Variants in CLASP1 observed in about 807,000 individuals in gnomAD.
CLASP1 encodes cytoplasmic linker associated protein 1.
In CLASP1, 38 loss-of-function variants were observed where a neutral mutation model predicts 192.3. That is an observed-to-expected ratio of 0.20 (90% CI 0.15 to 0.26). The LOEUF (loss-of-function observed/expected upper bound fraction) is 0.26. Ranked by LOEUF, CLASP1 falls within the 10% of genes least tolerant of loss-of-function variation. The pLI is 1.00. For missense variants in CLASP1, 1,433 were observed against 1,932.5 expected, an observed-to-expected ratio of 0.74 and a Z score of 4.85; for synonymous variants, 691 against 712.8, an observed-to-expected ratio of 0.97 and a Z score of 0.49.
intron 8 of CLASP1, among the ~76,000 whole-genome samples, chr2:121,489,757 T>A (rs921684250): frequency 6.6e-6 from 1 of 152,230 alleles, no homozygotes; most frequent in Non-Finnish European, 1.5e-5. Context: ...CTGTACATTT[T>A]TGCATTTTAA....
intron 37 of CLASP1, among the ~76,000 whole-genome samples, chr2:121,352,691 A>G (rs891272535): frequency 1.3e-5 from 2 of 152,234 alleles, no homozygotes; most frequent in South Asian, 2.1e-4. Flanking sequence ...GTCTCACTCT[A>G]TCATTCAGGC....
intron 23 of CLASP1, among the ~76,000 whole-genome samples, chr2:121,417,828 T>C (rs779908289): frequency 6.6e-6 from 1 of 152,218 alleles, no homozygotes; most frequent in Non-Finnish European, 1.5e-5. Context: ...TCTTTCGTAG[T>C]GGCATGTATA....
intron 10 of CLASP1, 111 bp downstream of exon 10, chr2:121,462,421 A>G (rs2088278560): frequency 1.6e-6 from 1 of 625,046 alleles, no homozygotes; most frequent in South Asian, 2.2e-5. Context: ...TAGTGCTGAC[A>G]GTTAAAATTA....
intron 1 of CLASP1, among the ~76,000 whole-genome samples, chr2:121,641,374 T>C (rs2072046425): frequency 6.7e-6 from 1 of 149,364 alleles, no homozygotes; most frequent in African/African-American, 2.4e-5. Context: ...CCCACAGATA[T>C]TCTGATTACT....
At chr2:121,509,672 T>G (rs781320027) in intron 7 of CLASP1, among the ~76,000 whole-genome samples, 3 of 152,122 alleles carry the variant, frequency 2.0e-5, no homozygotes, top group Non-Finnish European at 4.4e-5. Context: ...ACCTCGTCTC[T>G]ACTAAAATTA....
chr2:121,441,974 C>T (rs2149733951), intron 19 of CLASP1, among the ~76,000 whole-genome samples: 1 of 152,210 alleles, frequency 6.6e-6, no homozygotes, highest in Admixed American at 6.5e-5. Flanking sequence ...ATCGTGTAAT[C>T]TTAATTAAAA....
At chr2:121,375,088 G>A (rs541265647) in intron 34 of CLASP1, among the ~76,000 whole-genome samples, 6 of 152,118 alleles carry the variant, frequency 3.9e-5, no homozygotes, top group Non-Finnish European at 5.9e-5. Flanking sequence ...TCCCAATGTC[G>A]GGGGAGGAAC....
At chr2:121,424,686 T>C (rs373726514) in intron 22 of CLASP1, among the ~76,000 whole-genome samples, 1 of 152,200 alleles carries the variant, frequency 6.6e-6, no homozygotes, top group East Asian at 1.9e-4. Flanking sequence ...AAAGTAACTA[T>C]GCATATTTTT....
intron 24 of CLASP1, 21 bp downstream of exon 25, chr2:121,410,845 C>A: frequency 6.8e-7 from 1 of 1,480,476 alleles, no homozygotes; most frequent in Non-Finnish European, 9.4e-7. Flanking sequence ...AGACTGTGTA[C>A]ATACATACTG....
At chr2:121,567,399 C>G (rs1411018934) in intron 2 of CLASP1, among the ~76,000 whole-genome samples, 1 of 152,208 alleles carries the variant, frequency 6.6e-6, no homozygotes. Flanking sequence ...CCAGACTGCT[C>G]CAGCATTGCT....
intron 28 of CLASP1, among the ~76,000 whole-genome samples, chr2:121,398,785 C>T (rs1005813106): frequency 1.1e-4 from 16 of 152,168 alleles, no homozygotes; most frequent in Non-Finnish European, 1.6e-4. Context: ...ACATCCTGAC[C>T]GGGCTGCTTA....
At chr2:121,530,382 G>T in intron 2 of CLASP1, 57 bp from the exon 3 acceptor site, 1 of 1,405,406 alleles carries the variant, frequency 7.1e-7, no homozygotes, top group Non-Finnish European at 9.8e-7. Context: ...CAGCGCTCCC[G>T]CCCACCCGCT....
rs148498284 is a variant in CLASP1 at position 121,447,400 on chromosome 2, A to G, written c.1849T>C (p.Ser617Pro). Residue 617 changes from serine (S) to proline (P), a missense_variant, in exon 19 of 40, where the codon TCT (serine) becomes CCT (proline). Physicochemically the swap from Ser to Pro is moderately conservative, Grantham distance 74 (BLOSUM62 -1). This residue lies in a region of CLASP1 where 445 missense variants were observed against 535.5 expected (regional missense o/e 0.83). Coordinates refer to ENST00000263710, the Ensembl canonical transcript of CLASP1. ...GAGCTGAAAGGCGTCGTGCCCGAAG[A>G]TGAGGAGACTTTGGATTTGGCACTG... 1,315 of 1,579,210 alleles carry G rather than the reference A, an allele frequency of 8.3e-4. 8 individuals are homozygous for G. In the East Asian group the frequency reaches 0.013, roughly 16 times the overall value.
chr2:121,401,718 T>C, intron 27 of CLASP1, 46 bp from the exon 29 acceptor site: 2 of 1,518,992 alleles, frequency 1.3e-6, no homozygotes, highest in Non-Finnish European at 1.8e-6. Flanking sequence ...GAATTCACGA[T>C]CTCCTCCAAA....
intron 7 of CLASP1, among the ~76,000 whole-genome samples, chr2:121,510,739 A>G (rs1196361594): frequency 1.3e-5 from 2 of 152,176 alleles, no homozygotes; most frequent in Non-Finnish European, 2.9e-5. Flanking sequence ...TCAAGGCTGC[A>G]GTGAGCAATG....
At chr2:121,518,231 CAAA>C (rs35409200) in intron 6 of CLASP1, among the ~76,000 whole-genome samples, 39 of 49,586 alleles carry the variant, frequency 7.9e-4, no homozygotes, top group African/African-American at 2.6e-3. Flanking sequence ...ACCCCCGTCT[CAAA>C]AAAAAAAAAA....
chr2:121,462,405 C>G (rs2088272114), intron 10 of CLASP1, 127 bp downstream of exon 10: 1 of 570,534 alleles, frequency 1.8e-6, no homozygotes, highest in Non-Finnish European at 3.2e-6. Context: ...CACCTCAGAT[C>G]TCCTGTAGTG....
Position 121,430,181 on chromosome 2 carries a change from G to T in CLASP1, c.1913-4C>A. 6.4e-7 allele frequency: 1 copy of T among 1,556,698 alleles called. No homozygotes were observed. ...TGCCGTCTTGTGCGGATCCGACCTG[G>T]AGGACACAGCAAAAACAGTGTTTCA... On this transcript the variant is annotated splice_polypyrimidine_tract_variant and splice_region_variant and intron_variant, in intron 19 of 39. Transcript: ENST00000263710.
chr2:121,632,852 C>T lies in CLASP1; in HGVS notation c.-286+16520G>A, dbSNP rs946895803. ...TGGAGGTTGCGGTGAGCCAAGATTG[C>T]GCCATTGCACTCTAGCCTGGGCAGC... On this transcript the variant is annotated intron_variant, in intron 1 of 39. Transcript: ENST00000263710. Among the ~76,000 whole-genome samples the T allele has an allele frequency of 1.5e-4, 23 of 150,542 alleles. 1 individual carries two copies. Among genetic ancestry groups the T allele is most frequent in the Admixed American group, 6.0e-4 (9 of 15,090 alleles).
Sources: gnomAD v4.1 joint callset for allele counts (sites outside exome capture counted in the v4.1 genomes callset) on GRCh38, gnomAD v4.1.1 for gene constraint, gnomAD v4.1.1 regional missense constraint, MANE v1.5 for transcripts, NCBI Gene and HGNC (gene_info 2026-07-23, HGNC 2026-07-21) for gene names.